C1orf94: variants seen among roughly 807,000 people sequenced by gnomAD.
C1orf94 encodes the protein chromosome 1 open reading frame 94, also known as uncharacterized protein C1orf94.
In C1orf94, 45 loss-of-function variants were observed where a neutral mutation model predicts 53.6. The observed-to-expected ratio is 0.84, with a 90% CI of 0.66 to 1.08. The LOEUF is 1.08. C1orf94 is among the 50% of genes least tolerant of loss of function. C1orf94 has a pLI of 0.00. For missense variants in C1orf94, 762 were observed against 738.9 expected (o/e 1.03, Z -0.36); for synonymous variants, 304 against 296.1 (o/e 1.03, Z -0.27).
chr1:34,172,044 G>T (rs1325851161), upstream of C1orf94, among the ~76,000 whole-genome samples: 1 of 152,200 alleles, frequency 6.6e-6, no homozygotes, highest in Non-Finnish European at 1.5e-5. Flanking sequence ...TTAAGTGAAT[G>T]CATTTTAGTG....
chr1:34,188,278 G>C (rs944146356), intron 1 of C1orf94, among the ~76,000 whole-genome samples: 1 of 152,236 alleles, frequency 6.6e-6, no homozygotes, highest in Non-Finnish European at 1.5e-5. Flanking sequence ...CTTTGAGAAG[G>C]AGGTGTTTCA....
intron 5 of C1orf94, 68 bp downstream of exon 5, chr1:34,208,302 C>T: frequency 6.9e-7 from 1 of 1,457,184 alleles, no homozygotes; most frequent in Non-Finnish European, 9.5e-7. Flanking sequence ...GGTGCATCTG[C>T]TCCCTCCTCC....
intron 5 of C1orf94, among the ~76,000 whole-genome samples, chr1:34,210,009 G>A (rs561931014): frequency 1.3e-5 from 2 of 152,138 alleles, no homozygotes; most frequent in South Asian, 4.1e-4. Context: ...AAATAAATGC[G>A]GCATTCTGGG....
Position 34,197,589 on chromosome 1 carries a change from C to T in C1orf94, c.685C>T (p.Leu229=), listed in dbSNP as rs952504025. ...GGGGACAGAGGACAGGGGCCGCATC[C>T]TAGGTGACTCCAACTTGCAAGTCAG... ...SKGTEDRGRI[L]GDSNLQVSKL... The change falls in exon 2 of 7, where the codon CTA becomes TTA. Residue 229 remains leucine (L), a synonymous_variant. Transcript: ENST00000488417. This position sits in a 1 kb window ranked among gnomAD's most constrained non-coding sequence, Gnocchi z 4.1. 2 of 1,614,142 alleles carry T rather than the reference C, an allele frequency of 1.2e-6. No homozygotes were observed. Among genetic ancestry groups the T allele is most frequent in the African/African-American group, 1.3e-5 (1 of 75,052 alleles).
intron 5 of C1orf94, among the ~76,000 whole-genome samples, chr1:34,211,705 G>A (rs1442832220): frequency 2.0e-5 from 3 of 152,142 alleles, no homozygotes; most frequent in Non-Finnish European, 2.9e-5. Context: ...GGACATTGCT[G>A]CCATCCCAGG....
rs148600373 is a variant in C1orf94 at position 34,205,109 on chromosome 1, T to C, written c.1446+2850T>C. Among the ~76,000 whole-genome samples the C allele has an allele frequency of 5.3e-3, 802 of 152,212 alleles. 5 individuals are homozygous for C. Among genetic ancestry groups the C allele is most frequent in the African/African-American group, 0.018 (758 of 41,510 alleles). ...GTTAATTTCTTCTGACTTTTTGGAG[T>C]GGGTGAGATTTGGACATATCATTTT... is the stretch of plus-strand genomic sequence containing the variant. On this transcript the variant is annotated intron_variant, in intron 4 of 6. Coordinates refer to ENST00000488417, the MANE Select transcript of C1orf94 (RefSeq NM_001134734.2).
chr1:34,214,834 G>A (rs1304677195), intron 6 of C1orf94, among the ~76,000 whole-genome samples: 1 of 152,162 alleles, frequency 6.6e-6, no homozygotes, highest in African/African-American at 2.4e-5. Flanking sequence ...TGAGGAGAAG[G>A]AGCAGGGTGG....
chr1:34,197,550 G>C lies in C1orf94; in HGVS notation c.646G>C (p.Val216Leu), dbSNP rs1642611228. The C allele has an allele frequency of 6.2e-7, 1 of 1,614,124 alleles. No individual in the cohort carries two copies. Among genetic ancestry groups the C allele is most frequent in the Non-Finnish European group, 8.5e-7 (1 of 1,180,018 alleles). ...CACAGACATTCTGTGTGCCGCCGAG[G>C]TCAAGAGCAGCAAGGGGACAGAGGA... ...TVTDILCAAE[V>L]KSSKGTEDRG... The change falls in exon 2 of 7, where the codon GTC (valine) becomes CTC (leucine). Residue 216 changes from valine to leucine, a missense_variant. Coordinates refer to ENST00000488417, the MANE Select transcript of C1orf94 (RefSeq NM_001134734.2). The surrounding 1 kb of genome is among the most constrained non-coding windows in gnomAD (Gnocchi z 4.1).
chr1:34,213,986 C>T (rs1225358949), intron 6 of C1orf94, among the ~76,000 whole-genome samples: 8 of 152,094 alleles, frequency 5.3e-5, no homozygotes, highest in East Asian at 1.9e-4. Context: ...CCCAGGGAAA[C>T]GCTGTGTTGA....
chr1:34,185,415 G>A (rs931193910), intron 1 of C1orf94, among the ~76,000 whole-genome samples: 16 of 152,148 alleles, frequency 1.1e-4, no homozygotes, highest in Admixed American at 9.2e-4. Flanking sequence ...CCTGATCTCA[G>A]GTGATCCACC....
chr1:34,209,604 C>T (rs1642857594), intron 5 of C1orf94, among the ~76,000 whole-genome samples: 1 of 152,302 alleles, frequency 6.6e-6, no homozygotes, highest in Non-Finnish European at 1.5e-5. Context: ...GAGCCCCACC[C>T]TCCGTGCAAA....
intron 4 of C1orf94, among the ~76,000 whole-genome samples, chr1:34,204,132 G>A (rs1642756220): frequency 6.6e-6 from 1 of 152,128 alleles, no homozygotes; most frequent in Admixed American, 6.5e-5. Context: ...CTGTTGCTAT[G>A]TCCCTTCCCC....
rs754085272 is a variant in C1orf94 at position 34,208,241 on chromosome 1, A to C, written c.1524+7A>C. 2.5e-6 allele frequency: 4 copies of C among 1,613,198 alleles called. No homozygotes were observed. The Admixed American group carries it at 6.7e-5, about 27-fold the overall frequency. On this transcript the variant is annotated splice_region_variant and intron_variant, in intron 5 of 6. Transcript: ENST00000488417. ...GGGATGTTACTCCCAACAGGTGAGT[A>C]GACGATCTCTCCTCCTCTGTCCTGG...
intron 5 of C1orf94, among the ~76,000 whole-genome samples, chr1:34,208,760 C>T (rs78884469): frequency 0.044 from 6,764 of 152,152 alleles, 223 homozygotes; most frequent in African/African-American, 0.091. Context: ...AGATTCAGTA[C>T]CTCTTGCTCT....
chr1:34,200,711 G>T (rs1642689466), intron 2 of C1orf94, 61 bp from the exon 3 acceptor site: 1 of 1,595,698 alleles, frequency 6.3e-7, no homozygotes, highest in Non-Finnish European at 8.5e-7. Flanking sequence ...ACAAAAAGGT[G>T]CTTCCAGCAT....
chr1:34,203,780 T>A (rs552130175), intron 4 of C1orf94, among the ~76,000 whole-genome samples: 5 of 152,332 alleles, frequency 3.3e-5, no homozygotes, highest in African/African-American at 1.2e-4. Flanking sequence ...TTTCTTTATT[T>A]TGTCGATTTA....
At chr1:34,212,776 C>G (rs1176083510) in intron 6 of C1orf94, among the ~76,000 whole-genome samples, 1 of 152,144 alleles carries the variant, frequency 6.6e-6, no homozygotes, top group Non-Finnish European at 1.5e-5. Flanking sequence ...CCTTAGAGCT[C>G]TCACCTCCCA....
chr1:34,189,280 G>A (rs1617044), intron 1 of C1orf94, among the ~76,000 whole-genome samples: 20,936 of 151,990 alleles, frequency 0.14, 2,104 homozygotes, highest in African/African-American at 0.28. Flanking sequence ...GTGTGAATGT[G>A]TGTATGTGTG....
intron 1 of C1orf94, among the ~76,000 whole-genome samples, chr1:34,187,783 GCC>G (rs1642409260): frequency 5.0e-5 from 1 of 19,888 alleles, no homozygotes; most frequent in African/African-American, 2.0e-4. Context: ...CCCCCCCCCC[GCC>G]GCCCCCCACC....
Sources: gnomAD v4.1 joint callset for allele counts (sites outside exome capture counted in the v4.1 genomes callset) on GRCh38, gnomAD v4.1.1 for gene constraint, Gnocchi (gnomAD v3.1) non-coding constraint, MANE v1.5 for transcripts, NCBI Gene and HGNC (gene_info 2026-07-23, HGNC 2026-07-21) for gene names.